Variants in TMEM139 observed in about 807,000 individuals in gnomAD.
TMEM139 encodes the protein transmembrane protein 139.
A neutral mutation model predicts 15.9 loss-of-function variants in TMEM139; 9 were observed. The observed-to-expected ratio is 0.57, with a 90% CI of 0.34 to 0.99. The LOEUF (loss-of-function observed/expected upper bound fraction) is 0.99, where lower values mean the gene tolerates loss of function less well. TMEM139 is among the 50% of genes least tolerant of loss of function. The pLI, the probability that TMEM139 is intolerant of heterozygous loss-of-function variation, is 0.02. For missense variants in TMEM139, 270 were observed against 267.7 expected, an observed-to-expected ratio of 1.01 and a Z score of -0.06; for synonymous variants, 95 against 110.5, an observed-to-expected ratio of 0.86 and a Z score of 0.88.
intron 2 of TMEM139, 48 bp downstream of exon 2, chr7:143,286,250 C>A: frequency 6.2e-7 from 1 of 1,606,718 alleles, no homozygotes; most frequent in Non-Finnish European, 8.5e-7. Flanking sequence ...TGGGCCCATC[C>A]TCCCTCTCTC....
intron 1 of TMEM139, 71 bp downstream of exon 1, chr7:143,285,516 G>A: frequency 5.2e-6 from 1 of 193,898 alleles, no homozygotes; most frequent in Non-Finnish European, 1.1e-5. Context: ...GGAGGTGGGG[G>A]TGGAGATCCA....
chr7:143,284,935 A>AT, upstream of TMEM139: 2 of 151,484 alleles, frequency 1.3e-5, no homozygotes, highest in Admixed American at 1.3e-4. Flanking sequence ...CCTTCCCACC[A>AT]CCCCCCACCC....
chr7:143,285,241 G>T lies in TMEM139; in HGVS notation c.-222G>T. 1 of 152,980 alleles carries T rather than the reference G, an allele frequency of 6.5e-6. No homozygotes were observed. 9.5% of individuals were successfully genotyped at this position (152,980 alleles called of 1,614,324 possible). Reference sequence around the variant, plus strand: ...AGTTTAACAAGTTAGGATCAGCAGAGGGTAGAGGAGGGCCCTGGCAGATGT... The same window carrying T: ...AGTTTAACAAGTTAGGATCAGCAGATGGTAGAGGAGGGCCCTGGCAGATGT... On this transcript the variant is annotated 5_prime_UTR_variant, in exon 1 of 3. The change creates a new upstream start codon in the 5' untranslated region. Transcript: ENST00000359333.
In TMEM139 at chr7:143,285,824, T is replaced by C. The variant is rs1586439119; in HGVS notation, c.-17-117T>C. 7.2e-6 allele frequency: 10 copies of C among 1,383,100 alleles called. No individual in the cohort carries two copies. The East Asian group carries it at 2.3e-4, about 32-fold the overall frequency. 85.7% of individuals were successfully genotyped at this position (1,383,100 alleles called of 1,614,324 possible). A position where few individuals can be genotyped will look rare whatever the true frequency, so the allele number is the denominator to read the frequency against. On this transcript the variant is annotated intron_variant, in intron 1 of 2. Coordinates refer to ENST00000359333, the MANE Select transcript of TMEM139 (RefSeq NM_001282876.2). ...GGAGGGGACTCTACAGATGATTTAT[T>C]TGAGATTGAAGAACCTAGAAACCAA...
rs371111066 is a variant in TMEM139 at position 143,285,922 on chromosome 7, G to C, written c.-17-19G>C. On this transcript the variant is annotated intron_variant, in intron 1 of 2. Coordinates refer to ENST00000359333, the MANE Select transcript of TMEM139 (RefSeq NM_001282876.2). ...ACCAATTGCTAGTGTAGACACAATA[G>C]CTGTGTGTCTTTTTGCAGGAGCCTG... The C allele has an allele frequency of 1.9e-6, 3 of 1,613,584 alleles. No individual in the cohort carries two copies. In the African/African-American group the frequency reaches 4.0e-5, roughly 22 times the overall value.
At position 143,286,094 on chromosome 7, in the gene TMEM139, G is replaced by A. The variant is rs1385387897; in HGVS notation, c.137G>A (p.Gly46Asp). ...GTTGCTTATTTCTTTCTCACATTGG[G>A]TGGCTTCTTCTTGTTTGCCTATCTC... Reference protein sequence around the residue: ...TPVAYFFLTLGGFFLFAYLLV... With the variant: ...TPVAYFFLTLDGFFLFAYLLV... The change falls in exon 2 of 3, where the codon GGT (glycine) becomes GAT (aspartate). Residue 46 changes from glycine to aspartate, a missense_variant. Gly to Asp is a moderately conservative substitution (Grantham distance 94, BLOSUM62 -1). Coordinates refer to ENST00000359333, the MANE Select transcript of TMEM139 (RefSeq NM_001282876.2). 1 of 1,614,102 alleles carries A rather than the reference G, an allele frequency of 6.2e-7. No individual in the cohort carries two copies. The highest frequency in any genetic ancestry group is 1.3e-5 in the African/African-American group (1 of 74,992).
At position 143,285,149 on chromosome 7, in the gene TMEM139, A is replaced by T. The variant is rs1801220057; in HGVS notation, c.-314A>T. 1 of 152,440 alleles carries T rather than the reference A, an allele frequency of 6.6e-6. No homozygotes were observed. Among genetic ancestry groups the T allele is most frequent in the South Asian group, 2.1e-4 (1 of 4,832 alleles). 9.4% of individuals were successfully genotyped at this position (152,440 alleles called of 1,614,324 possible). A position where few individuals can be genotyped will look rare whatever the true frequency, so the allele number is the denominator to read the frequency against. On this transcript the variant is annotated 5_prime_UTR_variant, in exon 1 of 3. It introduces an in-frame stop codon into an upstream open reading frame of the 5' UTR. Coordinates refer to ENST00000359333, the MANE Select transcript of TMEM139 (RefSeq NM_001282876.2). Reference sequence around the variant, plus strand: ...CGGGTTGTTGCTGTTACAAGGAAAGAAAAGAGTTCCCCTGCCCACCGCCTC... The same window carrying T: ...CGGGTTGTTGCTGTTACAAGGAAAGTAAAGAGTTCCCCTGCCCACCGCCTC...
At position 143,286,759 on chromosome 7, in the gene TMEM139, C is replaced by A. The variant is rs777453376; in HGVS notation, c.581C>A (p.Ala194Asp). The A allele has an allele frequency of 1.9e-5, 31 of 1,614,006 alleles. No homozygotes were observed. In the East Asian group the frequency reaches 6.2e-4, roughly 32 times the overall value. The change falls in exon 3 of 3, where the codon GCC becomes GAC. Residue 194 changes from alanine (A) to aspartate (D), a missense_variant. Ala to Asp is a moderately radical substitution (Grantham distance 126, BLOSUM62 -2). Transcript: ENST00000359333. Reference sequence around the variant, plus strand: ...TTAGAGCCTCTGACTCCACCCCCTGCCTATGATGTCTGCTTTGGTCACCCT... The same window carrying A: ...TTAGAGCCTCTGACTCCACCCCCTGACTATGATGTCTGCTTTGGTCACCCT... ...PTLEPLTPPPAYDVCFGHPDD... is the reference protein window; with the variant it reads ...PTLEPLTPPPDYDVCFGHPDD...
Position 143,287,083 on chromosome 7 carries a change from A to C in TMEM139, c.*254A>C, listed in dbSNP as rs1170297876. The C allele has an allele frequency of 7.5e-6, 3 of 400,670 alleles. No homozygotes were observed. The highest frequency in any genetic ancestry group is 2.0e-5 in the African/African-American group (1 of 49,002). The allele number at this position is 400,670 out of a possible 1,614,324, so 24.8% of individuals were successfully genotyped here. On this transcript the variant is annotated 3_prime_UTR_variant, in exon 3 of 3. Coordinates refer to ENST00000359333, the MANE Select transcript of TMEM139 (RefSeq NM_001282876.2). The stretch of plus-strand genomic sequence containing the variant: ...TCCAGCGTTAGATTGAGGATGAGGT[A>C]GGGAGGTGATCCAGAGAAGGCGGAG...
In TMEM139 at chr7:143,286,026, A is replaced by G. The variant is rs760730072; in HGVS notation, c.69A>G (p.Leu23=). 3.1e-6 allele frequency: 5 copies of G among 1,613,902 alleles called. No homozygotes were observed. The highest frequency in any genetic ancestry group is 2.7e-5 in the African/African-American group (2 of 74,856). ...TCCTCCTGTGCTGCGCCTCCTTCCT[A>G]CTGGGGCTGGCTTTGCTGGGCATAA... ...PLLLLCCASF[L]LGLALLGIKT... The change falls in exon 2 of 3, where the codon CTA becomes CTG. Residue 23 remains leucine, a synonymous_variant. Transcript: ENST00000359333.
chr7:143,286,468 T>A lies in TMEM139; in HGVS notation c.290T>A (p.Val97Glu). Reference sequence around the variant, plus strand: ...GTGCCAGTCTATGAAGAGGCCGTGGTGGGACTAGAATCCCAGTGCCGCCCC... The same window carrying A: ...GTGCCAGTCTATGAAGAGGCCGTGGAGGGACTAGAATCCCAGTGCCGCCCC... ...FEVPVYEEAV[V>E]GLESQCRPQE... Residue 97 changes from valine to glutamate, a missense_variant, in exon 3 of 3, where the codon GTG becomes GAG. Val to Glu is a moderately radical substitution (Grantham distance 121). Transcript: ENST00000359333. 6.4e-7 allele frequency: 1 copy of A among 1,555,852 alleles called. No homozygotes were observed.
At position 143,285,979 on chromosome 7, in the gene TMEM139, G is replaced by C; in HGVS notation, c.22G>C (p.Gly8Arg). 1 of 1,614,150 alleles carries C rather than the reference G, an allele frequency of 6.2e-7. No homozygotes were observed. The highest frequency in any genetic ancestry group is 8.5e-7 in the Non-Finnish European group (1 of 1,180,012). The change falls in exon 2 of 3, where the codon GGG becomes CGG. Residue 8 changes from glycine to arginine, a missense_variant. By Grantham distance (125) the Gly-to-Arg change is moderately radical (BLOSUM62 -2). Transcript: ENST00000359333. Reference protein sequence around the residue: MVPMHLLGRLEKPLLLLC... With the variant: MVPMHLLRRLEKPLLLLC... ...GGCCATGGTGCCAATGCACTTACTGGGGAGACTGGAGAAGCCGCTTCTCCT... is the reference window on the plus strand; with the variant it reads ...GGCCATGGTGCCAATGCACTTACTGCGGAGACTGGAGAAGCCGCTTCTCCT...
chr7:143,286,056 G>C lies in TMEM139; in HGVS notation c.99G>C (p.Thr33=), dbSNP rs371442140. The change falls in exon 2 of 3, where the codon ACG becomes ACC. Residue 33 remains threonine, a synonymous_variant. Coordinates refer to ENST00000359333, the MANE Select transcript of TMEM139 (RefSeq NM_001282876.2). The stretch of plus-strand genomic sequence containing the variant: ...GGCTGGCTTTGCTGGGCATAAAGAC[G>C]GACATCACCCCCGTTGCTTATTTCT... ...LLGLALLGIK[T]DITPVAYFFL... 6.2e-7 allele frequency: 1 copy of C among 1,614,106 alleles called. No individual in the cohort carries two copies. The highest frequency in any genetic ancestry group is 1.1e-5 in the South Asian group (1 of 91,080).
chr7:143,285,709 T>C (rs904490765), intron 1 of TMEM139: 1 of 546,256 alleles, frequency 1.8e-6, no homozygotes, highest in Admixed American at 3.1e-5. Flanking sequence ...CATGACACAG[T>C]CAACTTACAG....
In TMEM139 at chr7:143,286,100, T is replaced by G. The variant is rs138052864; in HGVS notation, c.143T>G (p.Phe48Cys). ...VAYFFLTLGG[F>C]FLFAYLLVRF... ...TATTTCTTTCTCACATTGGGTGGCTTCTTCTTGTTTGCCTATCTCCTGGTC... is the reference window on the plus strand; with the variant it reads ...TATTTCTTTCTCACATTGGGTGGCTGCTTCTTGTTTGCCTATCTCCTGGTC... Residue 48 changes from phenylalanine to cysteine, a missense_variant, in exon 2 of 3, where the codon TTC becomes TGC. Physicochemically the swap from Phe to Cys is radical, Grantham distance 205. Coordinates refer to ENST00000359333, the MANE Select transcript of TMEM139 (RefSeq NM_001282876.2). The G allele has an allele frequency of 2.5e-4, 400 of 1,613,958 alleles. No homozygotes were observed. Among genetic ancestry groups the G allele is most frequent in the Admixed American group, 3.3e-5 (2 of 60,010 alleles).
chr7:143,287,289 G>C lies in TMEM139; in HGVS notation c.*460G>C, dbSNP rs1298571363. 6.5e-6 allele frequency: 1 copy of C among 153,754 alleles called. No individual in the cohort carries two copies. The highest frequency in any genetic ancestry group is 1.9e-4 in the East Asian group (1 of 5,216). The allele number at this position is 153,754 out of a possible 1,614,324, so 9.5% of individuals were successfully genotyped here. A position where few individuals can be genotyped will look rare whatever the true frequency, so the allele number is the denominator to read the frequency against. On this transcript the variant is annotated 3_prime_UTR_variant, in exon 3 of 3. Transcript: ENST00000359333. ...GCTAGTAAATAACATTAAAATAACTGGAATGAACTCCTGATCCCAAAGCCT... is the reference window on the plus strand; with the variant it reads ...GCTAGTAAATAACATTAAAATAACTCGAATGAACTCCTGATCCCAAAGCCT...
rs568613967 is a variant in TMEM139 at position 143,286,668 on chromosome 7, C to T, written c.490C>T (p.Arg164Trp). The T allele has an allele frequency of 1.5e-5, 25 of 1,614,208 alleles. No individual in the cohort carries two copies. Among genetic ancestry groups the T allele is most frequent in the South Asian group, 7.7e-5 (7 of 91,088 alleles). ...GSPGRAPINLRLRGPRAVSTA... is the reference protein window; with the variant it reads ...GSPGRAPINLWLRGPRAVSTA... Reference sequence around the variant, plus strand: ...CCCTGGAAGAGCTCCAATCAACCTTCGGCTTCGGGGACCACGGGCTGTGTC... The same window carrying T: ...CCCTGGAAGAGCTCCAATCAACCTTTGGCTTCGGGGACCACGGGCTGTGTC... Residue 164 changes from arginine (R) to tryptophan (W), a missense_variant, in exon 3 of 3, where the codon CGG becomes TGG. By Grantham distance (101) the Arg-to-Trp change is moderately radical (BLOSUM62 -3). Transcript: ENST00000359333.
At position 143,287,390 on chromosome 7, in the gene TMEM139, T is replaced by C. The variant is rs1801374017; in HGVS notation, c.*561T>C. 6.6e-6 allele frequency: 1 copy of C among 152,462 alleles called. No homozygotes were observed. The allele number at this position is 152,462 out of a possible 1,614,324, so 9.4% of individuals were successfully genotyped here. The stretch of plus-strand genomic sequence containing the variant: ...CCAATCCCTGTCTAGGGACAGCTGC[T>C]GGTGCAGGATGGAAGACTTCCTATA... On this transcript the variant is annotated 3_prime_UTR_variant, in exon 3 of 3. Coordinates refer to ENST00000359333, the MANE Select transcript of TMEM139 (RefSeq NM_001282876.2).
At chr7:143,286,240 T>C in intron 2 of TMEM139, 38 bp downstream of exon 2, 1 of 1,609,526 alleles carries the variant, frequency 6.2e-7, no homozygotes, top group Non-Finnish European at 8.5e-7. Flanking sequence ...GAATACACCT[T>C]GGGCCCATCC....
Sources: gnomAD v4.1 joint callset for allele counts on GRCh38, gnomAD v4.1.1 for gene constraint, MANE v1.5 for transcripts, NCBI Gene and HGNC (gene_info 2026-07-23, HGNC 2026-07-21) for gene names.